The following ADGRE3 variants were observed in gnomAD, a reference collection of about 807,000 sequenced individuals.
ADGRE3 encodes adhesion G protein-coupled receptor E3.
In ADGRE3, 88 loss-of-function variants were observed where a neutral mutation model predicts 80.1. The observed-to-expected ratio is 1.10, with a 90% CI of 0.93 to 1.31. ADGRE3 has a LOEUF of 1.31. Ranked by LOEUF, ADGRE3 falls within the 40% of genes most tolerant of loss-of-function variation. The pLI, the probability that ADGRE3 is intolerant of heterozygous loss-of-function variation, is 0.00. For missense variants in ADGRE3, 715 were observed against 776.5 expected, an observed-to-expected ratio of 0.92 and a Z score of 0.94; for synonymous variants, 281 against 294.8, an observed-to-expected ratio of 0.95 and a Z score of 0.48.
chr19:14,645,267 T>G (rs940055691), intron 8 of ADGRE3, among the ~76,000 whole-genome samples: 1 of 152,202 alleles, frequency 6.6e-6, no homozygotes, highest in Non-Finnish European at 1.5e-5. Flanking sequence ...CTGGTCGTTG[T>G]ATAATCAATT....
chr19:14,667,280 G>T (rs1478448900), intron 2 of ADGRE3, among the ~76,000 whole-genome samples: 2 of 151,850 alleles, frequency 1.3e-5, no homozygotes, highest in African/African-American at 4.8e-5. Context: ...TCCTTCCTGT[G>T]AATGGGCCAG....
At chr19:14,650,638 TCTCTC>T (rs1568490832) in intron 7 of ADGRE3, among the ~76,000 whole-genome samples, 1,709 of 86,460 alleles carry the variant, frequency 0.02, 51 homozygotes, top group Admixed American at 0.04. Flanking sequence ...CATCTCTCTC[TCTCTC>T]TCTCTCTCTC....
chr19:14,618,334 C>T (rs1457291277), downstream of ADGRE3, among the ~76,000 whole-genome samples: 1 of 151,774 alleles, frequency 6.6e-6, no homozygotes, highest in Non-Finnish European at 1.5e-5. Flanking sequence ...AGGTGGATCG[C>T]TGCTTGAGGT....
chr19:14,606,767 C>T, the ADGRE3 span, among the ~76,000 whole-genome samples: 12 of 151,924 alleles, frequency 7.9e-5, no homozygotes, highest in Admixed American at 2.6e-4. Context: ...AACTGAGGCA[C>T]GGAGCAGTTC....
chr19:14,615,025 A>G (rs12462482), downstream of ADGRE3, among the ~76,000 whole-genome samples: 1,020 of 151,716 alleles, frequency 6.7e-3, 37 homozygotes, highest in Admixed American at 0.059. Flanking sequence ...AGCTGTGGCT[A>G]TAGGTGTGTG....
rs1555762014 is a variant in ADGRE3, at chr19:14,657,745, A to ATT, written c.393+766_393+767dup. On this transcript the variant is annotated intron_variant, in intron 5 of 15. Transcript: ENST00000253673. ...CCTATATATACATATATATATATAT[A>ATT]TTTTTTTGTTTGTTTGTTTGTTTTG... Among the ~76,000 whole-genome samples the ATT allele has an allele frequency of 2.7e-3, 342 of 126,184 alleles. 5 individuals carry two copies. The highest frequency in any genetic ancestry group is 9.7e-4 in the African/African-American group (35 of 36,016). The allele number at this position is 126,184 out of a possible 152,430, so 82.8% of individuals were successfully genotyped here.
At chr19:14,636,540 G>A (rs1971096858) in intron 11 of ADGRE3, among the ~76,000 whole-genome samples, 1 of 151,890 alleles carries the variant, frequency 6.6e-6, no homozygotes, top group Admixed American at 6.6e-5. Flanking sequence ...TATTCATCTT[G>A]ATGGTCTTTT....
intron 8 of ADGRE3, 51 bp from the exon 9 acceptor site, chr19:14,644,326 T>A: frequency 9.7e-6 from 4 of 413,742 alleles, no homozygotes; most frequent in Non-Finnish European, 1.4e-5. Context: ...TCTTTCTTTC[T>A]TTTTTTTTTT....
At chr19:14,626,651 C>T (rs1970744730) in intron 14 of ADGRE3, among the ~76,000 whole-genome samples, 1 of 152,000 alleles carries the variant, frequency 6.6e-6, no homozygotes. Context: ...AGGGGTGATC[C>T]CAAGAAGCAC....
chr19:14,654,739 A>G (rs1971706687), intron 6 of ADGRE3, among the ~76,000 whole-genome samples: 1 of 152,150 alleles, frequency 6.6e-6, no homozygotes, highest in Non-Finnish European at 1.5e-5. Context: ...ACCACAATCA[A>G]GGCAGGAAGA....
chr19:14,646,483 A>G (rs1187711783), intron 8 of ADGRE3, among the ~76,000 whole-genome samples: 1 of 150,410 alleles, frequency 6.6e-6, no homozygotes, highest in Non-Finnish European at 1.5e-5. Context: ...TATTTATGGG[A>G]TACAGTGTGA....
chr19:14,668,892 A>G (rs369239328), intron 1 of ADGRE3, 40 bp from the exon 2 acceptor site: 900 of 1,586,406 alleles, frequency 5.7e-4, no homozygotes, highest in Non-Finnish European at 6.2e-4. Context: ...ACATGAAACA[A>G]TTGAGGAGAG....
intron 5 of ADGRE3, 103 bp from the exon 6 acceptor site, chr19:14,655,268 A>T (rs1433889281): frequency 1.0e-6 from 1 of 999,496 alleles, no homozygotes; most frequent in Non-Finnish European, 1.4e-6. Flanking sequence ...CTGGAGCTGG[A>T]GGAACCACGT....
chr19:14,670,724 C>T (rs1375529865), intron 1 of ADGRE3, among the ~76,000 whole-genome samples: 1 of 152,188 alleles, frequency 6.6e-6, no homozygotes, highest in East Asian at 1.9e-4. Context: ...GTGCTATTAG[C>T]ATCATCTCTG....
chr19:14,616,536 G>A (rs1183269431), downstream of ADGRE3, among the ~76,000 whole-genome samples: 2 of 151,840 alleles, frequency 1.3e-5, no homozygotes, highest in African/African-American at 2.4e-5. Context: ...CTTATAGGAG[G>A]ATAGTGTGGC....
At chr19:14,617,726 A>G (rs989109738), downstream of ADGRE3, among the ~76,000 whole-genome samples, 1 of 151,844 alleles carries the variant, frequency 6.6e-6, no homozygotes. Flanking sequence ...CAAAATTCCT[A>G]TTATTCTCAT....
the ADGRE3 span, chr19:14,600,234 CT>C: frequency 6.3e-7 from 1 of 1,595,954 alleles, no homozygotes; most frequent in Middle Eastern, 1.7e-4. Context: ...GCCTGCTTCT[CT>C]TCCAGGATGC....
Position 14,638,310 on chromosome 19 carries a change from G to A in ADGRE3, c.1279C>T (p.His427Tyr). ...VLCSIIAGAL[H>Y]YLYLAAFTWM... ...GTGAAGGCGGCCAGGTAGAGATAGT[G>A]CAAAGCACCGGCGATGATGGAGCAC... The change falls in exon 11 of 16, where the codon CAC (histidine) becomes TAC (tyrosine). Residue 427 changes from histidine (H) to tyrosine (Y), a missense_variant. By Grantham distance (83) the His-to-Tyr change is moderately conservative. Coordinates refer to ENST00000253673, the MANE Select transcript of ADGRE3 (RefSeq NM_032571.5). 6.2e-7 allele frequency: 1 copy of A among 1,614,142 alleles called. No homozygotes were observed.
intron 2 of ADGRE3, among the ~76,000 whole-genome samples, chr19:14,668,126 C>A (rs187865444): frequency 2.0e-5 from 3 of 152,198 alleles, no homozygotes; most frequent in Non-Finnish European, 2.9e-5. Flanking sequence ...TGGCACGTGT[C>A]TTTAGTCCCA....
Sources: gnomAD v4.1 joint callset for allele counts (sites outside exome capture counted in the v4.1 genomes callset) on GRCh38, gnomAD v4.1.1 for gene constraint, MANE v1.5 for transcripts, NCBI Gene and HGNC (gene_info 2026-07-23, HGNC 2026-07-21) for gene names.